The following LRCH3 variants were observed in gnomAD, a reference collection of about 807,000 sequenced individuals.
The protein encoded by LRCH3 is leucine rich repeats and calponin homology domain containing 3.
LRCH3 carries 68 observed loss-of-function variants against 104.5 expected under a neutral mutation model. That is an observed-to-expected ratio of 0.65 (90% CI 0.54 to 0.80). The LOEUF (loss-of-function observed/expected upper bound fraction) is 0.80. Among genes scored for constraint, LRCH3 ranks in the 30% least tolerant of loss-of-function variants. The pLI is 0.00. For synonymous variants in LRCH3, 344 were observed against 361.3 expected, an observed-to-expected ratio of 0.95 and a Z score of 0.54; for missense variants, 951 against 953.9, an observed-to-expected ratio of 1.00 and a Z score of 0.04.
rs186968302 is a variant in LRCH3, at chr3:197,879,516, G to A, written c.2208+3741G>A. 6.4e-4 allele frequency among the ~76,000 whole-genome samples: 95 copies of A among 148,424 alleles called. No homozygotes were observed. In the East Asian group the frequency reaches 0.014, roughly 21 times the overall value. On this transcript the variant is annotated intron_variant, in intron 20 of 20. Coordinates refer to ENST00000425562, the MANE Select transcript of LRCH3 (RefSeq NM_001365715.1). ...AAAAAATTAGCCGGGCGTGGTGGCG[G>A]GCGCCTGTAGTCCCAGCTGCTCGGG...
chr3:197,857,446 GT>G (rs1358309017), intron 14 of LRCH3, among the ~76,000 whole-genome samples: 28 of 145,178 alleles, frequency 1.9e-4, no homozygotes, highest in African/African-American at 3.6e-4. Context: ...GTTAATATCA[GT>G]TTACACTGAC....
intron 5 of LRCH3, among the ~76,000 whole-genome samples, 164 bp downstream of exon 5, chr3:197,827,178 A>G (rs751742597): frequency 6.6e-6 from 1 of 152,102 alleles, no homozygotes; most frequent in African/African-American, 2.4e-5. Context: ...AGCATCAGGT[A>G]AACCATAGTG....
intron 14 of LRCH3, among the ~76,000 whole-genome samples, chr3:197,855,950 C>T (rs188674561): frequency 2.0e-5 from 3 of 152,288 alleles, no homozygotes; most frequent in Non-Finnish European, 2.9e-5. Flanking sequence ...AGAAGGCTCC[C>T]GTTGCTTAGA....
Position 197,791,375 on chromosome 3 carries a change from A to G in LRCH3, c.97A>G (p.Ser33Gly), listed in dbSNP as rs1459774652. The G allele has an allele frequency of 8.7e-6, 14 of 1,600,318 alleles. No individual in the cohort carries two copies. Among genetic ancestry groups the G allele is most frequent in the Admixed American group, 1.7e-5 (1 of 57,438 alleles). Residue 33 changes from serine (S) to glycine (G), a missense_variant, in exon 1 of 21, where the codon AGC (serine) becomes GGC (glycine). Ser to Gly is a moderately conservative substitution (Grantham distance 56). Coordinates refer to ENST00000425562, the MANE Select transcript of LRCH3 (RefSeq NM_001365715.1). ...GNLPGVHCGP[S>G]SGAGPGFGPG... ...CCTCCCTGGTGTTCACTGCGGCCCAAGCTCCGGGGCAGGCCCTGGTTTTGG... is the reference window on the plus strand; with the variant it reads ...CCTCCCTGGTGTTCACTGCGGCCCAGGCTCCGGGGCAGGCCCTGGTTTTGG...
Position 197,835,634 on chromosome 3 carries a change from GGTGTGTGTGTGT to G in LRCH3, c.1103-34_1103-23del, listed in dbSNP as rs372783553. Reference sequence around the variant, plus strand: ...CTATCTAATTTGAATGTTTTTTTCTGGTGTGTGTGTGTGTGTGGGTGTGTGTGTGGTGTATAC... The same window carrying G: ...CTATCTAATTTGAATGTTTTTTTCTGGTGTGGGTGTGTGTGTGGTGTATAC... On this transcript the variant is annotated intron_variant, in intron 8 of 20. Transcript: ENST00000425562. 1.3e-4 allele frequency: 171 copies of G among 1,324,764 alleles called. No homozygotes were observed. In the East Asian group the frequency reaches 3.1e-3, roughly 24 times the overall value. 82.1% of individuals were successfully genotyped at this position (1,324,764 alleles called of 1,614,324 possible). A position where few individuals can be genotyped will look rare whatever the true frequency, so the allele number is the denominator to read the frequency against.
intron 3 of LRCH3, 47 bp downstream of exon 3, chr3:197,817,349 T>C (rs748393430): frequency 6.3e-6 from 1 of 159,784 alleles, no homozygotes; most frequent in African/African-American, 1.1e-4. Context: ...TGTGTGTCTG[T>C]GTGTGTGTGT....
At chr3:197,861,441 CTG>C (rs758819844) in intron 15 of LRCH3, among the ~76,000 whole-genome samples, 1 of 152,092 alleles carries the variant, frequency 6.6e-6, no homozygotes, top group Non-Finnish European at 1.5e-5. Flanking sequence ...AGAGTCATAA[CTG>C]AGAGTTGTTT....
At chr3:197,843,310 A>G (rs972267368) in intron 10 of LRCH3, among the ~76,000 whole-genome samples, 4 of 152,140 alleles carry the variant, frequency 2.6e-5, no homozygotes, top group Middle Eastern at 3.2e-3. Flanking sequence ...GTAAATAAAG[A>G]AAAACAGAGA....
chr3:197,824,522 C>G (rs1734893339), intron 4 of LRCH3, among the ~76,000 whole-genome samples: 1 of 150,736 alleles, frequency 6.6e-6, no homozygotes, highest in African/African-American at 2.5e-5. Flanking sequence ...TCACTGAGCC[C>G]TTTTTTTCTC....
At chr3:197,798,514 A>G (rs1463533148) in intron 1 of LRCH3, among the ~76,000 whole-genome samples, 2 of 152,238 alleles carry the variant, frequency 1.3e-5, no homozygotes, top group Non-Finnish European at 2.9e-5. Flanking sequence ...AAACATTGAC[A>G]TGTGGCGGGT....
chr3:197,832,384 A>T lies in LRCH3; in HGVS notation c.1102+67A>T, dbSNP rs114543396. 232 of 1,545,294 alleles carry T rather than the reference A, an allele frequency of 1.5e-4. No homozygotes were observed. The African/African-American group carries it at 2.8e-3, about 19-fold the overall frequency. On this transcript the variant is annotated intron_variant, in intron 8 of 20. Coordinates refer to ENST00000425562, the MANE Select transcript of LRCH3 (RefSeq NM_001365715.1). Reference sequence around the variant, plus strand: ...TTAACTTTTTAAAGTTGTCTTTTTCATACCCACTCCTTTTGTTGGTGTATC... The same window carrying T: ...TTAACTTTTTAAAGTTGTCTTTTTCTTACCCACTCCTTTTGTTGGTGTATC...
chr3:197,847,992 C>G lies in LRCH3; in HGVS notation c.1501C>G (p.Gln501Glu). 6.2e-7 allele frequency: 1 copy of G among 1,614,064 alleles called. No individual in the cohort carries two copies. ...GGAGAAAATAAGGACCAAGCAGATC[C>G]AGAGAGATGCTGTCCTGGACTTTGT... Reference protein sequence around the residue: ...EEEKIRTKQIQRDAVLDFVKQ... With the variant: ...EEEKIRTKQIERDAVLDFVKQ... The change falls in exon 12 of 21, where the codon CAG becomes GAG. Residue 501 changes from glutamine to glutamate, a missense_variant. Coordinates refer to ENST00000425562, the MANE Select transcript of LRCH3 (RefSeq NM_001365715.1).
At chr3:197,879,691 T>A (rs1011655433) in intron 20 of LRCH3, among the ~76,000 whole-genome samples, 5 of 152,208 alleles carry the variant, frequency 3.3e-5, no homozygotes, top group Non-Finnish European at 7.4e-5. Flanking sequence ...AGTCATTGAA[T>A]GCATTTGGCT....
chr3:197,824,573 C>CTTT (rs1266534474), intron 4 of LRCH3, among the ~76,000 whole-genome samples: 2 of 140,640 alleles, frequency 1.4e-5, no homozygotes, highest in African/African-American at 2.6e-5. Context: ...TGCTGCCCAG[C>CTTT]TTTTTTTTTT....
intron 10 of LRCH3, among the ~76,000 whole-genome samples, chr3:197,844,663 G>C (rs1039582206): frequency 2.0e-5 from 3 of 151,952 alleles, no homozygotes; most frequent in South Asian, 2.1e-4. Context: ...CTGTCGCCAG[G>C]CTGGAGTGCA....
Position 197,844,674 on chromosome 3 carries a change from G to A in LRCH3, c.1329-2735G>A, listed in dbSNP as rs773997132. 1.3e-4 allele frequency among the ~76,000 whole-genome samples: 20 copies of A among 152,062 alleles called. 1 individual carries two copies. In the South Asian group the frequency reaches 1.7e-3, roughly 13 times the overall value. ...CACTCTGTCGCCAGGCTGGAGTGCA[G>A]TGGCGCGATCTTGACTCACTGCAAC... On this transcript the variant is annotated intron_variant, in intron 10 of 20. Coordinates refer to ENST00000425562, the MANE Select transcript of LRCH3 (RefSeq NM_001365715.1).
At chr3:197,836,885 C>G (rs1736875901) in intron 9 of LRCH3, among the ~76,000 whole-genome samples, 1 of 152,166 alleles carries the variant, frequency 6.6e-6, no homozygotes, top group East Asian at 1.9e-4. Context: ...ACCATGTTGG[C>G]CAGGCTGGTC....
chr3:197,855,258 T>C (rs1254787455), intron 14 of LRCH3, among the ~76,000 whole-genome samples: 7 of 152,226 alleles, frequency 4.6e-5, no homozygotes, highest in Admixed American at 1.3e-4. Context: ...TTCCACAACC[T>C]TCATTTCCTT....
Position 197,865,395 on chromosome 3 carries a change from T to A in LRCH3, c.1717-28T>A, listed in dbSNP as rs77003543. The A allele has an allele frequency of 7.6e-4, 1,116 of 1,463,838 alleles. 10 individuals are homozygous for A. In the African/African-American group the frequency reaches 0.014, roughly 18 times the overall value. The allele number at this position is 1,463,838 out of a possible 1,614,324, so 90.7% of individuals were successfully genotyped here. A position where few individuals can be genotyped will look rare whatever the true frequency, so the allele number is the denominator to read the frequency against. ...GAAAGTATTTCTTCTTGAATAACAA[T>A]TATTGATATATGTCTGTTTCTCCAC... On this transcript the variant is annotated intron_variant, in intron 15 of 20. Coordinates refer to ENST00000425562, the MANE Select transcript of LRCH3 (RefSeq NM_001365715.1).
Sources: allele counts gnomAD v4.1 joint callset (sites outside exome capture counted in the v4.1 genomes callset), GRCh38; gene constraint gnomAD v4.1.1; transcripts MANE v1.5; gene names NCBI Gene and HGNC (gene_info 2026-07-23, HGNC 2026-07-21).